EPHA5: variants seen among roughly 807,000 people sequenced by gnomAD.
EPHA5 encodes the protein EPH receptor A5.
In EPHA5, 60 loss-of-function variants were observed where a neutral mutation model predicts 105.0. The observed-to-expected ratio is 0.57, with a 90% CI of 0.46 to 0.71. The LOEUF (loss-of-function observed/expected upper bound fraction) is 0.71. Ranked by LOEUF, EPHA5 falls within the 30% of genes least tolerant of loss-of-function variation. The pLI is 0.00. For missense variants in EPHA5, 1,218 were observed against 1,274.7 expected, an observed-to-expected ratio of 0.96 and a Z score of 0.68; for synonymous variants, 513 against 449.1, an observed-to-expected ratio of 1.14 and a Z score of -1.80.
In EPHA5 at chr4:65,595,350, G is replaced by T. The variant is rs545236075; in HGVS notation, c.910+6291C>A. On this transcript the variant is annotated intron_variant, in intron 3 of 16. Transcript: ENST00000613740. ...TACAATAACAACTTATAGAATAAGT[G>T]ATAATGTCTAACGAGATAGCAAATT... Among the ~76,000 whole-genome samples the T allele has an allele frequency of 4.6e-5, 7 of 152,094 alleles. No individual in the cohort carries two copies. The South Asian group carries it at 1.5e-3, about 32-fold the overall frequency.
chr4:65,474,260 G>A (rs755249557), intron 5 of EPHA5, among the ~76,000 whole-genome samples: 1 of 152,108 alleles, frequency 6.6e-6, no homozygotes, highest in Non-Finnish European at 1.5e-5. Flanking sequence ...ATTAGATAAT[G>A]AGAGTTTTCA....
intron 6 of EPHA5, among the ~76,000 whole-genome samples, chr4:65,419,228 G>T (rs1487885041): frequency 6.6e-6 from 1 of 151,552 alleles, no homozygotes; most frequent in East Asian, 1.9e-4. Context: ...ATATATAGTT[G>T]CACTTTTAAG....
intron 3 of EPHA5, among the ~76,000 whole-genome samples, chr4:65,513,040 G>A (rs1340953125): frequency 6.6e-6 from 1 of 152,106 alleles, no homozygotes; most frequent in Non-Finnish European, 1.5e-5. Flanking sequence ...AGAGAAAGAG[G>A]GAATCTCAAA....
chr4:65,607,190 A>T (rs1312461399), intron 2 of EPHA5, among the ~76,000 whole-genome samples: 6 of 152,006 alleles, frequency 3.9e-5, no homozygotes, highest in African/African-American at 1.5e-4. Context: ...TGTTTTTTTT[A>T]AAGATATAAA....
intron 3 of EPHA5, among the ~76,000 whole-genome samples, chr4:65,546,299 GACATTAA>G (rs1737365446): frequency 6.6e-6 from 1 of 151,834 alleles, no homozygotes; most frequent in South Asian, 2.1e-4. Flanking sequence ...AAATACACTG[GACATTAA>G]ACATTTATGT....
At chr4:65,396,312 A>G (rs1013342070) in intron 8 of EPHA5, among the ~76,000 whole-genome samples, 2 of 152,126 alleles carry the variant, frequency 1.3e-5, no homozygotes, top group African/African-American at 4.8e-5. Flanking sequence ...AATTAAGGGG[A>G]ATATTGTAAA....
intron 5 of EPHA5, among the ~76,000 whole-genome samples, chr4:65,441,090 T>C (rs552166878): frequency 2.6e-5 from 4 of 152,224 alleles, no homozygotes; most frequent in South Asian, 4.1e-4. Flanking sequence ...GTTAACAATT[T>C]AAAGATGGAT....
chr4:65,345,346 C>T (rs1722111627), intron 14 of EPHA5, among the ~76,000 whole-genome samples: 1 of 152,200 alleles, frequency 6.6e-6, no homozygotes, highest in Non-Finnish European at 1.5e-5. Flanking sequence ...ATCCATAACT[C>T]CAATTTGCTG....
At chr4:65,403,818 T>C (rs1474411864) in intron 8 of EPHA5, among the ~76,000 whole-genome samples, 1 of 152,106 alleles carries the variant, frequency 6.6e-6, no homozygotes, top group Non-Finnish European at 1.5e-5. Context: ...CAAATCAGTA[T>C]ATATCATGAT....
Position 65,581,072 on chromosome 4 carries a change from G to A in EPHA5, c.910+20569C>T, listed in dbSNP as rs1490954246. ...GAAACCTAATTACTATCTTCAACTA[G>A]GAAAAGGTAAACCAACCAATTAGCC... On this transcript the variant is annotated intron_variant, in intron 3 of 16. Coordinates refer to ENST00000613740, the MANE Select transcript of EPHA5 (RefSeq NM_001281766.3). 3.3e-5 allele frequency among the ~76,000 whole-genome samples: 5 copies of A among 151,744 alleles called. No individual in the cohort carries two copies. The East Asian group carries it at 9.6e-4, about 29-fold the overall frequency.
At position 65,331,993 on chromosome 4, in the gene EPHA5, A is replaced by G. The variant is rs1033723308; in HGVS notation, c.2925T>C (p.Ala975=). 10 of 1,607,966 alleles carry G rather than the reference A, an allele frequency of 6.2e-6. No individual in the cohort carries two copies. The highest frequency in any genetic ancestry group is 8.5e-6 in the Non-Finnish European group (10 of 1,177,456). Residue 975 remains alanine (A), a synonymous_variant, in exon 16 of 17, where the codon GCT becomes GCC. Transcript: ENST00000613740. ...FMENGYSSMD[A]VAQVTLEDLR... ...CTCACTCCAAGGTCACCTGAGCCAC[A>G]GCGTCCATTGAACTGTATCCATTTT...
intron 1 of EPHA5, among the ~76,000 whole-genome samples, chr4:65,646,598 G>A (rs577073490): frequency 6.6e-6 from 1 of 152,198 alleles, no homozygotes; most frequent in African/African-American, 2.4e-5. Flanking sequence ...TGGTACCAAA[G>A]TTAAGAAACC....
chr4:65,336,666 CTGTT>C (rs1232717924), intron 14 of EPHA5, among the ~76,000 whole-genome samples: 5 of 152,074 alleles, frequency 3.3e-5, no homozygotes, highest in African/African-American at 1.2e-4. Context: ...CAAGGTCTGA[CTGTT>C]TATTATCATC....
chr4:65,369,435 G>A (rs1226799807), intron 8 of EPHA5, among the ~76,000 whole-genome samples: 1 of 152,044 alleles, frequency 6.6e-6, no homozygotes, highest in Non-Finnish European at 1.5e-5. Context: ...ACAGCCAAAT[G>A]ACAGACTGAT....
At chr4:65,382,878 G>A (rs570912396) in intron 8 of EPHA5, among the ~76,000 whole-genome samples, 44 of 151,610 alleles carry the variant, frequency 2.9e-4, no homozygotes, top group Non-Finnish European at 4.1e-4. Flanking sequence ...AGTTCTTTGG[G>A]AATTTACTTA....
At chr4:65,394,809 G>C (rs918526313) in intron 8 of EPHA5, among the ~76,000 whole-genome samples, 3 of 151,998 alleles carry the variant, frequency 2.0e-5, no homozygotes, top group African/African-American at 7.3e-5. Flanking sequence ...ACATTGCCTA[G>C]TAGGAAATGC....
intron 3 of EPHA5, among the ~76,000 whole-genome samples, chr4:65,511,768 C>A (rs2149261689): frequency 6.6e-6 from 1 of 152,240 alleles, no homozygotes; most frequent in East Asian, 1.9e-4. Flanking sequence ...TTTAATATCT[C>A]AGACTAATAC....
chr4:65,596,167 A>C (rs1459897605), intron 3 of EPHA5, among the ~76,000 whole-genome samples: 1 of 152,184 alleles, frequency 6.6e-6, no homozygotes, highest in Non-Finnish European at 1.5e-5. Flanking sequence ...GTCCATAAAC[A>C]TATCTATAAA....
intron 6 of EPHA5, among the ~76,000 whole-genome samples, chr4:65,415,678 C>T (rs1407653043): frequency 2.0e-5 from 3 of 151,872 alleles, no homozygotes; most frequent in Non-Finnish European, 4.4e-5. Flanking sequence ...ATTATCTAAA[C>T]TTTCATATAT....
Sources: gnomAD v4.1 joint callset for allele counts (sites outside exome capture counted in the v4.1 genomes callset) on GRCh38, gnomAD v4.1.1 for gene constraint, MANE v1.5 for transcripts, NCBI Gene and HGNC (gene_info 2026-07-23, HGNC 2026-07-21) for gene names.